SH3GLB1: variants seen among roughly 807,000 people sequenced by gnomAD.
SH3GLB1 encodes SH3 domain containing GRB2 like, endophilin B1.
Under a neutral mutation model 42.0 loss-of-function variants are expected in SH3GLB1, and 17 were observed. The observed-to-expected ratio is 0.40, with a 90% CI of 0.28 to 0.61. SH3GLB1 has a LOEUF of 0.61. Among genes scored for constraint, SH3GLB1 ranks in the 20% least tolerant of loss-of-function variants. The pLI is 0.36. For synonymous variants in SH3GLB1, 132 were observed against 146.6 expected, an observed-to-expected ratio of 0.90 and a Z score of 0.72; for missense variants, 355 against 426.3, an observed-to-expected ratio of 0.83 and a Z score of 1.47.
intron 5 of SH3GLB1, among the ~76,000 whole-genome samples, chr1:86,727,990 C>A (rs1338023466): frequency 6.6e-6 from 1 of 151,924 alleles, no homozygotes; most frequent in Non-Finnish European, 1.5e-5. Context: ...ATGCCAAGAC[C>A]TGGCTGAGGC....
Position 86,742,387 on chromosome 1 carries a change from A to G in SH3GLB1, c.941A>G (p.Tyr314Cys), listed in dbSNP as rs138533867. ...CSGSRKARVLYDYDAANSTEL... is the reference protein window; with the variant it reads ...CSGSRKARVLCDYDAANSTEL... ...GGCAGCAGAAAGGCCAGGGTTCTCTATGATTATGATGCAGCAAACAGTACT... is the reference window on the plus strand; with the variant it reads ...GGCAGCAGAAAGGCCAGGGTTCTCTGTGATTATGATGCAGCAAACAGTACT... Residue 314 changes from tyrosine to cysteine, a missense_variant, in exon 8 of 9, where the codon TAT (tyrosine) becomes TGT (cysteine). By Grantham distance (194) the Tyr-to-Cys change is radical. Transcript: ENST00000370558. 2.4e-5 allele frequency: 39 copies of G among 1,613,994 alleles called. No individual in the cohort carries two copies. The highest frequency in any genetic ancestry group is 3.2e-5 in the Non-Finnish European group (38 of 1,180,006).
At position 86,722,583 on chromosome 1, in the gene SH3GLB1, A is replaced by G; in HGVS notation, c.387A>G (p.Gly129=). 6.2e-7 allele frequency: 1 copy of G among 1,608,682 alleles called. No homozygotes were observed. Among genetic ancestry groups the G allele is most frequent in the East Asian group, 2.2e-5 (1 of 44,628 alleles). ...IKCGETQKRI[G]TADRELIQTS... ...GTGGAGAAACCCAAAAAAGAATTGG[A>G]ACAGCAGACAGAGAACTGATTCAAA... Residue 129 remains glycine (G), a synonymous_variant, in exon 4 of 9, where the codon GGA becomes GGG. Coordinates refer to ENST00000370558, the MANE Select transcript of SH3GLB1 (RefSeq NM_016009.5).
intron 5 of SH3GLB1, among the ~76,000 whole-genome samples, chr1:86,731,710 C>G (rs1655520205): frequency 6.6e-6 from 1 of 152,032 alleles, no homozygotes; most frequent in Non-Finnish European, 1.5e-5. Flanking sequence ...ATATAAAAAT[C>G]TAAAGAAACC....
At chr1:86,710,345 A>G (rs1047128209) in intron 1 of SH3GLB1, among the ~76,000 whole-genome samples, 8 of 151,850 alleles carry the variant, frequency 5.3e-5, no homozygotes, top group Non-Finnish European at 8.8e-5. Flanking sequence ...GCTCACCGCA[A>G]TCTCCGTTTC....
intron 5 of SH3GLB1, among the ~76,000 whole-genome samples, chr1:86,724,928 T>C (rs1655109911): frequency 7.2e-6 from 1 of 138,838 alleles, no homozygotes; most frequent in Non-Finnish European, 1.5e-5. Flanking sequence ...ATATAATATA[T>C]ATGTGTGTGT....
intron 2 of SH3GLB1, 61 bp from the exon 3 acceptor site, chr1:86,719,446 A>G: frequency 6.7e-7 from 1 of 1,495,828 alleles, no homozygotes; most frequent in Non-Finnish European, 9.0e-7. Context: ...GGGGGAAAAA[A>G]ACAATCTTCT....
rs1656337303 is a variant in SH3GLB1 at position 86,746,957 on chromosome 1, G to A, written c.*3722G>A. On this transcript the variant is annotated 3_prime_UTR_variant, in exon 9 of 9. Transcript: ENST00000370558. ...CAATATTGGCATCTCCTGGAGACTTGTTTAAAATGCTGATTACTATTTTCA... is the reference window on the plus strand; with the variant it reads ...CAATATTGGCATCTCCTGGAGACTTATTTAAAATGCTGATTACTATTTTCA... 6.6e-6 allele frequency: 1 copy of A among 152,432 alleles called. No individual in the cohort carries two copies. The highest frequency in any genetic ancestry group is 1.5e-5 in the Non-Finnish European group (1 of 68,020). The allele number at this position is 152,432 out of a possible 1,614,324, so 9.4% of individuals were successfully genotyped here.
At chr1:86,741,778 A>C (rs1006916057) in intron 7 of SH3GLB1, among the ~76,000 whole-genome samples, 6 of 152,166 alleles carry the variant, frequency 3.9e-5, no homozygotes, top group African/African-American at 1.4e-4. Context: ...TTATGAAAAA[A>C]AGGTTTAGTT....
intron 1 of SH3GLB1, among the ~76,000 whole-genome samples, chr1:86,712,353 A>G (rs536558212): frequency 5.6e-4 from 86 of 152,320 alleles, no homozygotes; most frequent in Non-Finnish European, 1.1e-3. Flanking sequence ...AGTAATAGAA[A>G]TAGAAAATAC....
At chr1:86,731,443 T>TC (rs371007125) in intron 5 of SH3GLB1, among the ~76,000 whole-genome samples, 59 of 152,292 alleles carry the variant, frequency 3.9e-4, no homozygotes, top group African/African-American at 1.2e-3. Flanking sequence ...TATGCTCTTA[T>TC]CCCCCCTTTG....
In SH3GLB1 at chr1:86,704,645, A is replaced by T. The variant is rs1293771076; in HGVS notation, c.-255A>T. The T allele has an allele frequency of 2.9e-6, 1 of 344,048 alleles. No homozygotes were observed. The highest frequency in any genetic ancestry group is 2.2e-5 in the African/African-American group (1 of 45,404). The allele number at this position is 344,048 out of a possible 1,614,324, so 21.3% of individuals were successfully genotyped here. ...CATCTCCGGCTCGCCCGCGGGGCCC[A>T]TCGTCGACGTTAGCGGCCGTTCTCC... On this transcript the variant is annotated 5_prime_UTR_variant, in exon 1 of 9. Transcript: ENST00000370558.
rs1176860347 is a variant in SH3GLB1, at chr1:86,704,951, T to C, written c.52T>C (p.Phe18Leu). The change falls in exon 1 of 9, where the codon TTC becomes CTC. Residue 18 changes from phenylalanine (F) to leucine (L), a missense_variant. Transcript: ENST00000370558. ...VKKLAADAGT[F>L]LSRAVQFTEE... ...GAAGCTGGCGGCCGACGCAGGCACC[T>C]TCCTCAGTCGCGCCGTGCAGGTACC... 4 of 1,584,732 alleles carry C rather than the reference T, an allele frequency of 2.5e-6. No individual in the cohort carries two copies. Among genetic ancestry groups the C allele is most frequent in the Non-Finnish European group, 3.4e-6 (4 of 1,167,754 alleles).
intron 4 of SH3GLB1, among the ~76,000 whole-genome samples, chr1:86,723,381 G>C (rs796812585): frequency 2.6e-5 from 4 of 152,238 alleles, no homozygotes; most frequent in African/African-American, 9.6e-5. Context: ...GGGCATGGTG[G>C]CAGGTGCCTG....
In SH3GLB1 at chr1:86,746,845, G is replaced by T. The variant is rs1264311454; in HGVS notation, c.*3610G>T. The T allele has an allele frequency of 6.6e-6, 1 of 152,174 alleles. No homozygotes were observed. The highest frequency in any genetic ancestry group is 1.5e-5 in the Non-Finnish European group (1 of 68,048). 9.4% of individuals were successfully genotyped at this position (152,174 alleles called of 1,614,324 possible). ...ATTGCACCACTGCACTCCAACCTGG[G>T]TGATAGAATAAGACTCTTGTCTCAA... On this transcript the variant is annotated 3_prime_UTR_variant, in exon 9 of 9. Coordinates refer to ENST00000370558, the MANE Select transcript of SH3GLB1 (RefSeq NM_016009.5).
intron 8 of SH3GLB1, 35 bp from the exon 9 acceptor site, chr1:86,743,093 A>G (rs761728530): frequency 8.8e-6 from 13 of 1,485,272 alleles, no homozygotes; most frequent in Non-Finnish European, 5.6e-6. Flanking sequence ...TATTTTTTTA[A>G]TGTAGTTAAT....
Position 86,718,419 on chromosome 1 carries a change from A to G in SH3GLB1, c.215-1088A>G, listed in dbSNP as rs115279948. 4.2e-3 allele frequency among the ~76,000 whole-genome samples: 642 copies of G among 152,312 alleles called. 4 individuals carry two copies. Among genetic ancestry groups the G allele is most frequent in the African/African-American group, 0.015 (618 of 41,568 alleles). On this transcript the variant is annotated intron_variant, in intron 2 of 8. Coordinates refer to ENST00000370558, the MANE Select transcript of SH3GLB1 (RefSeq NM_016009.5). ...TAAAAAGCTCTTTTTGGTTTTAACT[A>G]TTTAAAGGTATTTAATTTCTGCTTT...
At chr1:86,727,309 A>G (rs1489069722) in intron 5 of SH3GLB1, among the ~76,000 whole-genome samples, 3 of 152,006 alleles carry the variant, frequency 2.0e-5, no homozygotes, top group Admixed American at 1.3e-4. Context: ...ATACCAATTA[A>G]GCAGAAAGAA....
chr1:86,734,976 C>T lies in SH3GLB1; in HGVS notation c.661-103C>T, dbSNP rs1655709766. 7.3e-6 allele frequency: 6 copies of T among 817,386 alleles called. 1 individual carries two copies. The South Asian group carries it at 9.4e-5, about 13-fold the overall frequency. The allele number at this position is 817,386 out of a possible 1,614,324, so 50.6% of individuals were successfully genotyped here. On this transcript the variant is annotated intron_variant, in intron 6 of 8. Transcript: ENST00000370558. ...AAGCCTTGTAGTAAAATGTTAGATA[C>T]TGGTGAGTCTACCTCAGTACAATAT...
At chr1:86,708,587 A>G (rs1003492076) in intron 1 of SH3GLB1, among the ~76,000 whole-genome samples, 1 of 152,232 alleles carries the variant, frequency 6.6e-6, no homozygotes, top group Non-Finnish European at 1.5e-5. Flanking sequence ...GGTACTTTAA[A>G]AAGAATGTTA....
Sources: gnomAD v4.1 joint callset for allele counts (sites outside exome capture counted in the v4.1 genomes callset) on GRCh38, gnomAD v4.1.1 for gene constraint, MANE v1.5 for transcripts, NCBI Gene and HGNC (gene_info 2026-07-23, HGNC 2026-07-21) for gene names.